The following SPMIP7 variants were observed in gnomAD, a reference collection of about 807,000 sequenced individuals.
The protein encoded by SPMIP7 is protein SPMIP7.
At chr7:50,140,269 T>TAAAAA in the SPMIP7 span, 1 of 706,270 alleles carries the variant, frequency 1.4e-6, no homozygotes, top group Non-Finnish European at 2.2e-6. Flanking sequence ...TGTATTCACT[T>TAAAAA]TTTAAGACAA....
the SPMIP7 span, among the ~76,000 whole-genome samples, chr7:50,143,379 C>T: frequency 6.6e-6 from 1 of 152,178 alleles, no homozygotes. Context: ...GTTGGCCAGG[C>T]TGGTCTGAAA....
the SPMIP7 span, among the ~76,000 whole-genome samples, chr7:50,125,261 C>CACATATAT: frequency 6.7e-4 from 30 of 45,110 alleles, 1 homozygote; most frequent in African/African-American, 4.4e-3. Flanking sequence ...CATATATATA[C>CACATATAT]ACACATATAT....
At chr7:50,156,908 G>A in the SPMIP7 span, among the ~76,000 whole-genome samples, 1 of 151,920 alleles carries the variant, frequency 6.6e-6, no homozygotes, top group Non-Finnish European at 1.5e-5. Context: ...TCTTGAAAAA[G>A]CAAACAGCTA....
At chr7:50,153,097 G>A in the SPMIP7 span, among the ~76,000 whole-genome samples, 5 of 152,156 alleles carry the variant, frequency 3.3e-5, no homozygotes, top group Non-Finnish European at 7.3e-5. Context: ...TTTCTGGTAC[G>A]AAAGATAGAC....
chr7:50,116,906 C>A, the SPMIP7 span, among the ~76,000 whole-genome samples: 2 of 152,164 alleles, frequency 1.3e-5, no homozygotes, highest in Admixed American at 1.3e-4. Flanking sequence ...TGTTCACTCG[C>A]TAGGATGTAA....
chr7:50,143,617 T>C, the SPMIP7 span, among the ~76,000 whole-genome samples: 1 of 152,256 alleles, frequency 6.6e-6, no homozygotes, highest in African/African-American at 2.4e-5. Flanking sequence ...TCATCTGACA[T>C]GCTCTGTGTT....
the SPMIP7 span, among the ~76,000 whole-genome samples, chr7:50,124,411 C>A: frequency 6.6e-6 from 1 of 152,112 alleles, no homozygotes; most frequent in Non-Finnish European, 1.5e-5. Flanking sequence ...TGGAACACTA[C>A]ACCAAACACA....
chr7:50,125,094 G>GTATA, the SPMIP7 span, among the ~76,000 whole-genome samples: 322 of 73,806 alleles, frequency 4.4e-3, 53 homozygotes, highest in Middle Eastern at 0.016. Context: ...GTGAGATTAA[G>GTATA]TATATATATA....
chr7:50,151,761 C>T, the SPMIP7 span, among the ~76,000 whole-genome samples: 1 of 152,058 alleles, frequency 6.6e-6, no homozygotes, highest in Non-Finnish European at 1.5e-5. Flanking sequence ...TATGTGTTTC[C>T]TTTTTGAATC....
chr7:50,097,061 G>A, the SPMIP7 span, among the ~76,000 whole-genome samples: 43 of 152,278 alleles, frequency 2.8e-4, 2 homozygotes, highest in East Asian at 5.8e-3. Flanking sequence ...GTACTTGAAC[G>A]TACATTTTTT....
At chr7:50,125,133 C>T in the SPMIP7 span, among the ~76,000 whole-genome samples, 4 of 100,474 alleles carry the variant, frequency 4.0e-5, 1 homozygote, top group African/African-American at 6.8e-5. Context: ...CACACACACA[C>T]ACACACACAT....
chr7:50,104,450 T>G, the SPMIP7 span: 1 of 888,028 alleles, frequency 1.1e-6, no homozygotes. Context: ...TATAATTAGT[T>G]TATTTCATTG....
chr7:50,105,067 A>T, the SPMIP7 span, among the ~76,000 whole-genome samples: 3 of 152,198 alleles, frequency 2.0e-5, no homozygotes, highest in African/African-American at 7.2e-5. Context: ...TTAAACCTAA[A>T]TATTTTTCAG....
At chr7:50,111,105 T>TTA in the SPMIP7 span, among the ~76,000 whole-genome samples, 276 of 146,552 alleles carry the variant, frequency 1.9e-3, 3 homozygotes, top group African/African-American at 5.3e-3. Flanking sequence ...TGTGTATATG[T>TTA]TATATATATA....
chr7:50,154,161 G>A, the SPMIP7 span, among the ~76,000 whole-genome samples: 1 of 151,930 alleles, frequency 6.6e-6, no homozygotes, highest in Non-Finnish European at 1.5e-5. Context: ...GATGACATAT[G>A]GGTATATAGT....
chr7:50,133,885 A>G, the SPMIP7 span, among the ~76,000 whole-genome samples: 1 of 152,068 alleles, frequency 6.6e-6, no homozygotes, highest in Non-Finnish European at 1.5e-5. Context: ...TACATGTGCC[A>G]ATCTCTTGGG....
At chr7:50,096,921 G>A in the SPMIP7 span, among the ~76,000 whole-genome samples, 1 of 152,008 alleles carries the variant, frequency 6.6e-6, no homozygotes, top group Non-Finnish European at 1.5e-5. Flanking sequence ...TTACCACAGG[G>A]GAATTTATGT....
the SPMIP7 span, among the ~76,000 whole-genome samples, chr7:50,125,185 C>CAT: frequency 1.7e-5 from 1 of 57,474 alleles, no homozygotes; most frequent in African/African-American, 1.0e-4. Flanking sequence ...TATATATACA[C>CAT]ATATATACAC....
the SPMIP7 span, among the ~76,000 whole-genome samples, chr7:50,127,634 T>TAC: frequency 0.014 from 2,041 of 149,188 alleles, 53 homozygotes; most frequent in African/African-American, 0.047. Context: ...TATATATATA[T>TAC]ACTGATTAAA....
Sources: allele counts gnomAD v4.1 joint callset (sites outside exome capture counted in the v4.1 genomes callset), GRCh38; gene constraint gnomAD v4.1.1; transcripts MANE v1.5; gene names NCBI Gene and HGNC (gene_info 2026-07-23, HGNC 2026-07-21).